TACC2: variants seen among roughly 807,000 people sequenced by gnomAD.
The protein encoded by TACC2 is transforming acidic coiled-coil containing protein 2, also known as transforming acidic coiled-coil-containing protein 2.
A neutral mutation model predicts 227.3 loss-of-function variants in TACC2; 137 were observed. That is an observed-to-expected ratio of 0.60 (90% CI 0.52 to 0.69). The LOEUF (loss-of-function observed/expected upper bound fraction) is 0.69, where lower values mean the gene tolerates loss of function less well. TACC2 is among the 30% of genes least tolerant of loss of function. TACC2 has a pLI of 0.00. For missense variants in TACC2, 3,470 were observed against 3,694.4 expected (o/e 0.94, Z 1.57); for synonymous variants, 1,523 against 1,487.5 (o/e 1.02, Z -0.55).
At chr10:122,019,969 A>C (rs1281911301) in intron 1 of TACC2, 1 of 152,234 alleles carries the variant, frequency 6.6e-6, no homozygotes, top group African/African-American at 2.4e-5. Context: ...CTAGAAGAGG[A>C]TTCCAGACGC....
At chr10:121,990,114 G>A in intron 1 of TACC2, among the ~76,000 whole-genome samples, 1 of 151,080 alleles carries the variant, frequency 6.6e-6, no homozygotes, top group East Asian at 1.9e-4. Flanking sequence ...TCAACCTTCT[G>A]TGGATTTTTT....
At chr10:122,104,846 T>C (rs995687573) in intron 5 of TACC2, among the ~76,000 whole-genome samples, 3 of 152,204 alleles carry the variant, frequency 2.0e-5, no homozygotes, top group African/African-American at 7.2e-5. Flanking sequence ...TATTCCCTCT[T>C]CTGGAACATC....
intron 1 of TACC2, among the ~76,000 whole-genome samples, chr10:122,005,683 CTTTTTTTTTTTTTTCTTTT>C (rs1955011609): frequency 9.2e-6 from 1 of 108,392 alleles, no homozygotes; most frequent in African/African-American, 3.4e-5. Context: ...CGTGCCTGGC[CTTTTTTTTTTTTTTCTTTT>C]TTTTTTTTTG....
chr10:122,148,507 T>C (rs1409768139), intron 7 of TACC2, among the ~76,000 whole-genome samples: 3 of 152,248 alleles, frequency 2.0e-5, no homozygotes, highest in Non-Finnish European at 4.4e-5. Context: ...CCAGCGTGCC[T>C]TCTGGGTGTT....
chr10:122,090,546 CAAAAAAAAAAAAAAAAG>C (rs1256194779), intron 5 of TACC2, among the ~76,000 whole-genome samples: 40 of 41,118 alleles, frequency 9.7e-4, no homozygotes, highest in Admixed American at 4.1e-3. Context: ...GACTCTATCT[CAAAAAAAAAAAAAAAAG>C]AAAAAAAAAA....
intron 5 of TACC2, among the ~76,000 whole-genome samples, chr10:122,117,530 C>T (rs2084928694): frequency 6.6e-6 from 1 of 152,044 alleles, no homozygotes; most frequent in African/African-American, 2.4e-5. Context: ...TTATATTTTG[C>T]CTAGAAAATA....
chr10:122,112,649 C>T (rs535142599), intron 5 of TACC2, among the ~76,000 whole-genome samples: 1 of 151,706 alleles, frequency 6.6e-6, no homozygotes, highest in Admixed American at 6.6e-5. Flanking sequence ...CTGGCCGGTA[C>T]TTGACCTTCC....
intron 1 of TACC2, among the ~76,000 whole-genome samples, chr10:122,011,023 G>C (rs550492856): frequency 6.6e-6 from 1 of 152,290 alleles, no homozygotes; most frequent in East Asian, 1.9e-4. Flanking sequence ...TATGCTGACT[G>C]TAGTCTCTGA....
chr10:122,087,864 G>A lies in TACC2; in HGVS notation c.5364G>A (p.Gly1788=), dbSNP rs754883354. 1.3e-6 allele frequency: 2 copies of A among 1,522,058 alleles called. No homozygotes were observed. Among genetic ancestry groups the A allele is most frequent in the Non-Finnish European group, 1.8e-6 (2 of 1,136,268 alleles). 94.3% of individuals were successfully genotyped at this position (1,522,058 alleles called of 1,614,324 possible). A position where few individuals can be genotyped will look rare whatever the true frequency, so the allele number is the denominator to read the frequency against. ...QPGPERPIPA[G]DGKVCVSSPP... is the part of the protein sequence containing the mutation. ...GGCCTGAGCGCCCCATTCCAGCTGG[G>A]GATGGGAAGGTGTGCGTCTCCTCAC... The change falls in exon 4 of 23, where the codon GGG becomes GGA. Residue 1788 remains glycine, a synonymous_variant. Transcript: ENST00000369005.
At chr10:122,026,221 G>A (rs531364404) in intron 2 of TACC2, among the ~76,000 whole-genome samples, 121 of 150,264 alleles carry the variant, frequency 8.1e-4, no homozygotes, top group African/African-American at 2.9e-3. Context: ...CCAGCTACTC[G>A]GGAGGCTGAG....
intron 3 of TACC2, chr10:122,051,863 G>A (rs374653546): frequency 6.6e-6 from 1 of 150,620 alleles, no homozygotes; most frequent in Non-Finnish European, 1.5e-5. Flanking sequence ...TGGGTGGCTT[G>A]GGCTATGTGG....
chr10:122,134,931 T>C (rs2089270833), intron 6 of TACC2, among the ~76,000 whole-genome samples: 3 of 152,190 alleles, frequency 2.0e-5, no homozygotes, highest in African/African-American at 7.2e-5. Context: ...TGTCCCAGGC[T>C]CCATAGTAGG....
rs112823591 is a variant in TACC2 at position 122,137,284 on chromosome 10, T to TA, written c.5699+4563dup. 3.4e-3 allele frequency among the ~76,000 whole-genome samples: 474 copies of TA among 139,886 alleles called. 2 individuals are homozygous for TA. The highest frequency in any genetic ancestry group is 8.0e-3 in the East Asian group (39 of 4,874). The allele number at this position is 139,886 out of a possible 152,430, so 91.8% of individuals were successfully genotyped here. A position where few individuals can be genotyped will look rare whatever the true frequency, so the allele number is the denominator to read the frequency against. On this transcript the variant is annotated intron_variant, in intron 6 of 22. Transcript: ENST00000369005. ...ACTCTCATCTGTTCAGTATTTTCAT[T>TA]AAAAAAAAAAAAAGCAGAATGAGCC...
At chr10:122,244,627 G>A (rs1340890556) in intron 19 of TACC2, among the ~76,000 whole-genome samples, 1 of 152,112 alleles carries the variant, frequency 6.6e-6, no homozygotes, top group Non-Finnish European at 1.5e-5. Flanking sequence ...ATGCCCAGGA[G>A]GCCCACCTGG....
At chr10:122,016,379 C>A (rs1956632515) in intron 1 of TACC2, among the ~76,000 whole-genome samples, 1 of 151,808 alleles carries the variant, frequency 6.6e-6, no homozygotes, top group African/African-American at 2.4e-5. Context: ...TCAGCCTGGC[C>A]AACATGGCGA....
rs1223571787 is a variant in TACC2, at chr10:122,200,958, A to G, written c.5971+5782A>G. 2.3e-5 allele frequency among the ~76,000 whole-genome samples: 3 copies of G among 132,538 alleles called. 1 individual carries two copies. Among genetic ancestry groups the G allele is most frequent in the Non-Finnish European group, 1.7e-5 (1 of 58,724 alleles). 87.0% of individuals were successfully genotyped at this position (132,538 alleles called of 152,430 possible). A position where few individuals can be genotyped will look rare whatever the true frequency, so the allele number is the denominator to read the frequency against. On this transcript the variant is annotated intron_variant, in intron 8 of 22. Transcript: ENST00000369005. The stretch of plus-strand genomic sequence containing the variant: ...GAGGACAGCGACCTCACCCGCCCAC[A>G]GTGGCCACATCTACAGTGAGAGGAC...
intron 8 of TACC2, among the ~76,000 whole-genome samples, chr10:122,208,340 C>G (rs11200479): frequency 0.17 from 26,294 of 152,140 alleles, 7,120 homozygotes; most frequent in African/African-American, 0.58. Flanking sequence ...AACTCAAGAA[C>G]CTTGAAGTTT....
chr10:122,028,956 C>G (rs1261274974), intron 2 of TACC2, among the ~76,000 whole-genome samples: 1 of 8,508 alleles, frequency 1.2e-4, no homozygotes, highest in African/African-American at 1.2e-3. Context: ...CCCTTCCCTT[C>G]CCTTCCCTTC....
intron 2 of TACC2, among the ~76,000 whole-genome samples, chr10:122,034,137 G>C: frequency 8.0e-6 from 1 of 124,502 alleles, no homozygotes; most frequent in African/African-American, 3.1e-5. Flanking sequence ...GGGTGACAGA[G>C]TGAGACTCTG....
Sources: gnomAD v4.1 joint callset for allele counts (sites outside exome capture counted in the v4.1 genomes callset) on GRCh38, gnomAD v4.1.1 for gene constraint, MANE v1.5 for transcripts, NCBI Gene and HGNC (gene_info 2026-07-23, HGNC 2026-07-21) for gene names.